Variants in GLYATL1 observed in about 807,000 individuals in gnomAD.
The protein encoded by GLYATL1 is glycine-N-acyltransferase like 1.
In GLYATL1, 15 loss-of-function variants were observed where a neutral mutation model predicts 20.0. The ratio of observed to expected loss-of-function variants is 0.75; its 90% CI spans 0.50 to 1.15. GLYATL1 has a LOEUF of 1.15. GLYATL1 is among the 50% of genes most tolerant of loss of function. The pLI is 0.00. For synonymous variants in GLYATL1, 151 were observed against 131.5 expected (o/e 1.15, Z -1.01); for missense variants, 380 against 368.5 (o/e 1.03, Z -0.26).
chr11:58,910,173 G>A (rs577272202), downstream of GLYATL1, among the ~76,000 whole-genome samples: 32 of 152,224 alleles, frequency 2.1e-4, no homozygotes, highest in African/African-American at 7.5e-4. Context: ...CCTAAAAAGT[G>A]GGAGAGGGGT....
chr11:58,916,287 G>A (rs776403439), intron 1 of GLYATL1, among the ~76,000 whole-genome samples: 1 of 152,166 alleles, frequency 6.6e-6, no homozygotes, highest in Non-Finnish European at 1.5e-5. Flanking sequence ...TGTTTGACAT[G>A]TTTGCTTCTC....
intron 1 of GLYATL1, among the ~76,000 whole-genome samples, chr11:58,918,510 C>T (rs1855232954): frequency 1.3e-5 from 2 of 152,142 alleles, no homozygotes; most frequent in South Asian, 4.1e-4. Flanking sequence ...AGTATGCATG[C>T]AGGGAGGGCA....
intron 2 of GLYATL1, 62 bp from the exon 3 acceptor site, chr11:58,946,984 T>C: frequency 8.3e-7 from 1 of 1,211,548 alleles, no homozygotes; most frequent in South Asian, 1.2e-5. Context: ...TGGAGATGTA[T>C]AAAGTGCATT....
upstream of GLYATL1, among the ~76,000 whole-genome samples, chr11:58,923,484 C>A (rs1298476132): frequency 6.6e-6 from 1 of 152,236 alleles, no homozygotes; most frequent in Non-Finnish European, 1.5e-5. Flanking sequence ...AACAGAGGTA[C>A]TTTCCCTTTT....
chr11:58,922,035 T>A (rs528364474), intron 1 of GLYATL1, among the ~76,000 whole-genome samples: 3 of 152,218 alleles, frequency 2.0e-5, no homozygotes, highest in African/African-American at 4.8e-5. Context: ...TTTCCTGTCA[T>A]CTCTTAACCC....
At chr11:58,952,733 A>C (rs1298945017) in intron 4 of GLYATL1, among the ~76,000 whole-genome samples, 1 of 152,128 alleles carries the variant, frequency 6.6e-6, no homozygotes, top group Non-Finnish European at 1.5e-5. Flanking sequence ...GGTAGTCCAC[A>C]CTGTCTATTG....
At chr11:58,945,242 C>T (rs761375348) in intron 2 of GLYATL1, among the ~76,000 whole-genome samples, 10 of 151,890 alleles carry the variant, frequency 6.6e-5, no homozygotes, top group Non-Finnish European at 1.5e-4. Context: ...TCCTTTACAA[C>T]GATTTTTTTA....
chr11:58,909,625 A>G (rs1443788927), downstream of GLYATL1, among the ~76,000 whole-genome samples: 1 of 152,214 alleles, frequency 6.6e-6, no homozygotes, highest in Non-Finnish European at 1.5e-5. Context: ...AAAGTCATGT[A>G]CACGTGAAAA....
chr11:58,918,108 GC>G (rs1855219986), intron 1 of GLYATL1, among the ~76,000 whole-genome samples: 2 of 152,184 alleles, frequency 1.3e-5, no homozygotes, highest in African/African-American at 4.8e-5. Context: ...CTTAGTTAGA[GC>G]CATTAGTTGA....
At chr11:58,911,292 A>G (rs912072419), downstream of GLYATL1, among the ~76,000 whole-genome samples, 1 of 152,212 alleles carries the variant, frequency 6.6e-6, no homozygotes, top group East Asian at 1.9e-4. Flanking sequence ...GAACATTTGC[A>G]TACAGGTTTT....
In GLYATL1 at chr11:58,955,751, C is replaced by T. The variant is rs147236321; in HGVS notation, c.633C>T (p.Leu211=). The T allele has an allele frequency of 1.8e-4, 294 of 1,614,204 alleles. No individual in the cohort carries two copies. The highest frequency in any genetic ancestry group is 1.5e-3 in the Admixed American group (91 of 60,026). Residue 211 remains leucine, a synonymous_variant, in exon 7 of 7, where the codon CTC becomes CTT. Transcript: ENST00000532726. ...AAGACCTGCCAGCAGCCTGTATGCTCGGCCCAGAGGGAGTCCCGGTCTCAT... is the reference window on the plus strand; with the variant it reads ...AAGACCTGCCAGCAGCCTGTATGCTTGGCCCAGAGGGAGTCCCGGTCTCAT... The part of the protein sequence containing the change: ...CIEDLPAACM[L]GPEGVPVSWV...
At chr11:58,943,488 G>T (rs796472590) in intron 1 of GLYATL1, 55 bp from the exon 2 acceptor site, 1 of 1,545,844 alleles carries the variant, frequency 6.5e-7, no homozygotes, top group African/African-American at 1.4e-5. Flanking sequence ...CAAATTGTTT[G>T]TTGCTTAATG....
At chr11:58,942,521 A>G (rs182149880) in intron 1 of GLYATL1, 1 of 152,226 alleles carries the variant, frequency 6.6e-6, no homozygotes, top group Non-Finnish European at 1.5e-5. Flanking sequence ...AATAACTCCA[A>G]GAATTTTTCT....
intron 1 of GLYATL1, chr11:58,934,285 G>A (rs1565123897): frequency 6.6e-6 from 1 of 152,280 alleles, no homozygotes; most frequent in Non-Finnish European, 1.5e-5. Flanking sequence ...GGCCAGCCTA[G>A]CAACAGGGTC....
intron 1 of GLYATL1, among the ~76,000 whole-genome samples, chr11:58,906,520 G>C (rs2134637247): frequency 6.6e-6 from 1 of 152,232 alleles, no homozygotes. Context: ...ACTCCTAGGT[G>C]GAGACTGAGG....
At chr11:58,932,975 A>G (rs1248377812) in intron 1 of GLYATL1, among the ~76,000 whole-genome samples, 1 of 152,194 alleles carries the variant, frequency 6.6e-6, no homozygotes, top group Non-Finnish European at 1.5e-5. Flanking sequence ...GCTGTCATAA[A>G]TTGCTTTTGA....
intron 4 of GLYATL1, among the ~76,000 whole-genome samples, chr11:58,953,218 G>C (rs1029608388): frequency 6.6e-6 from 1 of 152,068 alleles, no homozygotes; most frequent in African/African-American, 2.4e-5. Context: ...CTATTAGTTT[G>C]TTCAGGATTT....
At chr11:58,905,745 G>GGC in intron 1 of GLYATL1, 1 of 358,120 alleles carries the variant, frequency 2.8e-6, no homozygotes, top group South Asian at 2.1e-5. Context: ...AAATAGGGAG[G>GGC]GTGGGCGGGT....
At chr11:58,928,031 G>C (rs1192778731) in intron 1 of GLYATL1, among the ~76,000 whole-genome samples, 2 of 152,150 alleles carry the variant, frequency 1.3e-5, no homozygotes, top group Non-Finnish European at 2.9e-5. Flanking sequence ...ATGTTTTTAA[G>C]ATCTCTCCCC....
Sources: gnomAD v4.1 joint callset for allele counts (sites outside exome capture counted in the v4.1 genomes callset) on GRCh38, gnomAD v4.1.1 for gene constraint, MANE v1.5 for transcripts, NCBI Gene and HGNC (gene_info 2026-07-23, HGNC 2026-07-21) for gene names.